The following MAST4 variants were observed in gnomAD, a reference collection of about 807,000 sequenced individuals.
MAST4 encodes the protein microtubule-associated serine/threonine-protein kinase 4.
MAST4 carries 89 observed loss-of-function variants against 162.7 expected under a neutral mutation model. That is an observed-to-expected ratio of 0.55 (90% CI 0.46 to 0.65). The LOEUF is 0.65. Ranked by LOEUF, MAST4 falls within the 30% of genes least tolerant of loss-of-function variation. The pLI is 0.00. For synonymous variants in MAST4, 1,479 were observed against 1,361.1 expected (o/e 1.09, Z -1.91); for missense variants, 3,153 against 3,374.0 (o/e 0.93, Z 1.62).
intron 3 of MAST4, among the ~76,000 whole-genome samples, chr5:66,846,677 A>G (rs1448500305): frequency 6.6e-6 from 1 of 152,180 alleles, no homozygotes; most frequent in Admixed American, 6.5e-5. Flanking sequence ...AATTCCATAA[A>G]TTAGTTGGTA....
At position 66,722,179 on chromosome 5, in the gene MAST4, T is replaced by TA. The variant is rs573204299; in HGVS notation, c.364-37529dup. 9.9e-5 allele frequency among the ~76,000 whole-genome samples: 15 copies of TA among 152,274 alleles called. No individual in the cohort carries two copies. In the South Asian group the frequency reaches 3.1e-3, roughly 32 times the overall value. On this transcript the variant is annotated intron_variant, in intron 1 of 28. Coordinates refer to ENST00000403625, the MANE Select transcript of MAST4 (RefSeq NM_001164664.2). ...AGTTTTGAGTAAAAACCAAAATTCTTACATTTGACTTGGCCCGTTACTCCT... is the reference window on the plus strand; with the variant it reads ...AGTTTTGAGTAAAAACCAAAATTCTTAACATTTGACTTGGCCCGTTACTCCT...
At chr5:67,117,768 A>G (rs1404097930) in intron 12 of MAST4, among the ~76,000 whole-genome samples, 4 of 151,508 alleles carry the variant, frequency 2.6e-5, no homozygotes, top group Non-Finnish European at 5.9e-5. Flanking sequence ...TTTAAAGTAT[A>G]AAAAAGAAAA....
At position 67,163,091 on chromosome 5, in the gene MAST4, GA is replaced by G. The variant is rs895147112; in HGVS notation, c.3968-49del. 3 of 1,542,952 alleles carry G rather than the reference GA, an allele frequency of 1.9e-6. No individual in the cohort carries two copies. Among genetic ancestry groups the G allele is most frequent in the African/African-American group, 1.4e-5 (1 of 73,550 alleles). ...CTAATACAGTCTGGGCTACAACTGTGAAAAAAAGGGGAAAATGACCATGGAT... is the reference window on the plus strand; with the variant it reads ...CTAATACAGTCTGGGCTACAACTGTGAAAAAAGGGGAAAATGACCATGGAT... On this transcript the variant is annotated intron_variant, in intron 28 of 28. Coordinates refer to ENST00000403625, the MANE Select transcript of MAST4 (RefSeq NM_001164664.2). This position sits in a 1 kb window ranked among gnomAD's most constrained non-coding sequence, Gnocchi z 7.0.
intron 1 of MAST4, among the ~76,000 whole-genome samples, chr5:66,635,504 A>G (rs16895360): frequency 0.079 from 11,977 of 152,236 alleles, 597 homozygotes; most frequent in African/African-American, 0.13. Context: ...GAAAAACAAG[A>G]AAGTTTGGGG....
At chr5:67,038,756 A>G (rs185805774) in intron 4 of MAST4, among the ~76,000 whole-genome samples, 14 of 152,302 alleles carry the variant, frequency 9.2e-5, no homozygotes, top group African/African-American at 3.4e-4. Context: ...AATGAAAATG[A>G]TTTCTTATTA....
At chr5:66,846,968 C>A (rs895005798) in intron 3 of MAST4, among the ~76,000 whole-genome samples, 1 of 152,194 alleles carries the variant, frequency 6.6e-6, no homozygotes, top group Non-Finnish European at 1.5e-5. Flanking sequence ...ACCTCCCTGG[C>A]ACTCATTTCT....
At chr5:66,859,044 A>G (rs1759892762) in intron 3 of MAST4, among the ~76,000 whole-genome samples, 1 of 152,146 alleles carries the variant, frequency 6.6e-6, no homozygotes, top group Admixed American at 6.5e-5. Flanking sequence ...CAAAAATAAT[A>G]TGTATATTAA....
At chr5:66,742,957 A>G (rs751492130) in intron 1 of MAST4, among the ~76,000 whole-genome samples, 1 of 152,174 alleles carries the variant, frequency 6.6e-6, no homozygotes, top group Non-Finnish European at 1.5e-5. Flanking sequence ...TTCTGGGGAA[A>G]TCTATCAAGC....
At chr5:67,025,210 A>AT (rs1476888266) in intron 4 of MAST4, among the ~76,000 whole-genome samples, 1 of 152,200 alleles carries the variant, frequency 6.6e-6, no homozygotes, top group African/African-American at 2.4e-5. Context: ...TGAAAGAGTC[A>AT]TGAACACATT....
intron 1 of MAST4, among the ~76,000 whole-genome samples, chr5:66,612,895 A>G: frequency 6.6e-6 from 1 of 152,208 alleles, no homozygotes; most frequent in South Asian, 2.1e-4. Flanking sequence ...AATATAATTG[A>G]CATGTTGCGT....
intron 4 of MAST4, among the ~76,000 whole-genome samples, chr5:67,037,668 T>TA (rs1756191500): frequency 1.3e-5 from 2 of 152,302 alleles, no homozygotes; most frequent in African/African-American, 4.8e-5. Context: ...CTTTTTGAGG[T>TA]AAAATCATCT....
intron 26 of MAST4, among the ~76,000 whole-genome samples, chr5:67,159,857 C>A (rs1292637684): frequency 6.6e-6 from 1 of 152,106 alleles, no homozygotes; most frequent in Non-Finnish European, 1.5e-5. Flanking sequence ...TCCAGCTCTG[C>A]AAACTGATAG....
chr5:67,040,161 C>T (rs1387680859), intron 4 of MAST4, among the ~76,000 whole-genome samples: 1 of 151,932 alleles, frequency 6.6e-6, no homozygotes, highest in African/African-American at 2.4e-5. Flanking sequence ...TCTGGGTTCT[C>T]TTGAACACTG....
chr5:67,028,397 A>G (rs1754933396), intron 4 of MAST4, among the ~76,000 whole-genome samples: 1 of 152,122 alleles, frequency 6.6e-6, no homozygotes, highest in Admixed American at 6.5e-5. Flanking sequence ...GTACAGGACA[A>G]TAAGATCACA....
At chr5:67,108,965 A>G (rs1283387334) in intron 10 of MAST4, among the ~76,000 whole-genome samples, 1 of 152,110 alleles carries the variant, frequency 6.6e-6, no homozygotes, top group African/African-American at 2.4e-5. Flanking sequence ...AAAGATTAAG[A>G]GAGCCTAAAA....
intron 1 of MAST4, among the ~76,000 whole-genome samples, chr5:66,684,576 A>G (rs1748526986): frequency 6.6e-6 from 1 of 152,256 alleles, no homozygotes; most frequent in African/African-American, 2.4e-5. Context: ...TGTTTTATAC[A>G]TACACATTTG....
intron 1 of MAST4, among the ~76,000 whole-genome samples, chr5:66,651,709 A>G (rs1425825406): frequency 6.6e-6 from 1 of 152,070 alleles, no homozygotes; most frequent in Non-Finnish European, 1.5e-5. Flanking sequence ...CTTGGCCTCA[A>G]CTCTTTCACA....
chr5:66,869,339 G>A (rs1760759306), intron 3 of MAST4, among the ~76,000 whole-genome samples: 1 of 152,170 alleles, frequency 6.6e-6, no homozygotes, highest in Admixed American at 6.5e-5. Context: ...CTATGGAAAT[G>A]GGAAGACATG....
intron 2 of MAST4, among the ~76,000 whole-genome samples, chr5:66,784,159 C>T (rs925751150): frequency 9.9e-5 from 15 of 151,384 alleles, no homozygotes; most frequent in African/African-American, 3.2e-4. Flanking sequence ...GAGTCCTCCA[C>T]GATCACCCAG....
Sources: gnomAD v4.1 joint callset for allele counts (sites outside exome capture counted in the v4.1 genomes callset) on GRCh38, gnomAD v4.1.1 for gene constraint, Gnocchi (gnomAD v3.1) non-coding constraint, MANE v1.5 for transcripts, NCBI Gene and HGNC (gene_info 2026-07-23, HGNC 2026-07-21) for gene names.